Variants in OR51B5 observed in about 807,000 individuals in gnomAD.
OR51B5 encodes the protein olfactory receptor 51B5.
For synonymous variants in OR51B5, 186 were observed against 144.8 expected (o/e 1.28, Z -2.04); for missense variants, 456 against 374.6 (o/e 1.22, Z -1.79).
intron 1 of OR51B5, chr11:5,422,375 C>G: frequency 6.2e-7 from 1 of 1,614,184 alleles, no homozygotes; most frequent in Non-Finnish European, 8.5e-7. Flanking sequence ...ATCTGTCCAC[C>G]AGCGCATGTA....
intron 1 of OR51B5, among the ~76,000 whole-genome samples, chr11:5,385,872 G>T (rs1488075590): frequency 6.8e-6 from 1 of 147,622 alleles, no homozygotes; most frequent in South Asian, 2.1e-4. Flanking sequence ...AAGTATTTAT[G>T]AGTAAATCTA....
intron 1 of OR51B5, among the ~76,000 whole-genome samples, chr11:5,418,149 G>A (rs964337534): frequency 9.2e-5 from 14 of 151,464 alleles, no homozygotes; most frequent in African/African-American, 2.9e-4. Flanking sequence ...GTAAACTATT[G>A]CAAGAACAAA....
upstream of OR51B5, among the ~76,000 whole-genome samples, chr11:5,345,060 A>AATAGATGATGT (rs2133680730): frequency 6.6e-6 from 1 of 152,298 alleles, no homozygotes; most frequent in East Asian, 1.9e-4. Flanking sequence ...GGAGAGGGAC[A>AATAGATGATGT]ATAGATGATG....
chr11:5,354,681 G>A (rs779181106), intron 1 of OR51B5: 5 of 165,826 alleles, frequency 3.0e-5, no homozygotes, highest in Non-Finnish European at 5.2e-5. Context: ...CCAGGTCCTG[G>A]ACCTGCAGCC....
intron 1 of OR51B5, among the ~76,000 whole-genome samples, chr11:5,467,310 G>C (rs1006710256): frequency 2.0e-5 from 3 of 152,144 alleles, no homozygotes; most frequent in Non-Finnish European, 4.4e-5. Flanking sequence ...AGACGTTCAG[G>C]GGGTGTTTGG....
chr11:5,504,705 C>T (rs545808113), intron 1 of OR51B5, among the ~76,000 whole-genome samples: 1 of 152,310 alleles, frequency 6.6e-6, no homozygotes, highest in African/African-American at 2.4e-5. Flanking sequence ...CATTTGTTTT[C>T]TAACTTAGTC....
At chr11:5,364,099 A>C (rs74488518) in intron 1 of OR51B5, among the ~76,000 whole-genome samples, 4,802 of 152,338 alleles carry the variant, frequency 0.032, 249 homozygotes, top group African/African-American at 0.11. Flanking sequence ...GGTCGATTAT[A>C]GATTCAATAA....
intron 1 of OR51B5, chr11:5,389,705 A>C: frequency 6.2e-7 from 1 of 1,613,756 alleles, no homozygotes; most frequent in Non-Finnish European, 8.5e-7. Context: ...TAACTCCCAT[A>C]GTATCTACTT....
At chr11:5,364,064 A>G (rs1318894649) in intron 1 of OR51B5, among the ~76,000 whole-genome samples, 5 of 152,222 alleles carry the variant, frequency 3.3e-5, no homozygotes, top group African/African-American at 9.6e-5. Context: ...GCCAGGTACT[A>G]TCTCATTCTC....
intron 1 of OR51B5, among the ~76,000 whole-genome samples, chr11:5,432,015 T>C (rs970789106): frequency 1.3e-5 from 2 of 152,252 alleles, no homozygotes; most frequent in African/African-American, 4.8e-5. Context: ...TTATTACTTC[T>C]ATGTGTTGGG....
chr11:5,395,133 T>C (rs533773869), intron 1 of OR51B5, among the ~76,000 whole-genome samples: 15 of 152,282 alleles, frequency 9.9e-5, no homozygotes, highest in African/African-American at 3.4e-4. Context: ...AATGCTTTGG[T>C]CTAGGAGGAT....
intron 1 of OR51B5, among the ~76,000 whole-genome samples, chr11:5,485,221 C>A (rs953736512): frequency 2.0e-5 from 3 of 152,166 alleles, no homozygotes; most frequent in Non-Finnish European, 4.4e-5. Context: ...ACAAATCCTG[C>A]AAAATTTTAC....
chr11:5,379,288 A>C (rs1438254354), intron 1 of OR51B5, among the ~76,000 whole-genome samples: 1 of 152,046 alleles, frequency 6.6e-6, no homozygotes, highest in Non-Finnish European at 1.5e-5. Flanking sequence ...AGGAAGGGGA[A>C]CATCACACTC....
At chr11:5,483,597 A>G (rs1851458936) in intron 1 of OR51B5, among the ~76,000 whole-genome samples, 1 of 152,012 alleles carries the variant, frequency 6.6e-6, no homozygotes, top group Non-Finnish European at 1.5e-5. Context: ...AAAGAAGTGA[A>G]AAAGAGATCA....
chr11:5,493,692 G>A (rs1432038375), intron 1 of OR51B5, among the ~76,000 whole-genome samples: 1 of 152,182 alleles, frequency 6.6e-6, no homozygotes, highest in East Asian at 1.9e-4. Context: ...CTAGGGTAAA[G>A]TCATATCTCT....
At chr11:5,389,567 A>C in intron 1 of OR51B5, 2 of 1,613,866 alleles carry the variant, frequency 1.2e-6, no homozygotes, top group Non-Finnish European at 1.7e-6. Flanking sequence ...CAATTGTTTC[A>C]TTCTGATCAT....
chr11:5,392,160 T>G (rs979789634), intron 1 of OR51B5: 4 of 152,240 alleles, frequency 2.6e-5, no homozygotes, highest in Non-Finnish European at 5.9e-5. Flanking sequence ...CTTGTGTATG[T>G]TTGTGTGGTA....
intron 1 of OR51B5, among the ~76,000 whole-genome samples, chr11:5,396,049 C>T (rs1192069692): frequency 6.6e-6 from 1 of 152,148 alleles, no homozygotes; most frequent in African/African-American, 2.4e-5. Context: ...AGATACTTTG[C>T]ACAATCATAG....
chr11:5,423,315 C>G (rs779331512), intron 1 of OR51B5: 6 of 773,902 alleles, frequency 7.8e-6, no homozygotes, highest in Non-Finnish European at 1.2e-5. Context: ...GGTGAGCTAG[C>G]AGCAGTGATT....
Sources: gnomAD v4.1 joint callset for allele counts (sites outside exome capture counted in the v4.1 genomes callset) on GRCh38, gnomAD v4.1.1 for gene constraint, MANE v1.5 for transcripts, NCBI Gene and HGNC (gene_info 2026-07-23, HGNC 2026-07-21) for gene names.